Variants in DAPK1 observed in about 807,000 individuals in gnomAD.
DAPK1 encodes death-associated protein kinase 1.
Under a neutral mutation model 144.9 loss-of-function variants are expected in DAPK1, and 56 were observed. That is an observed-to-expected ratio of 0.39 (90% CI 0.31 to 0.48). The LOEUF (loss-of-function observed/expected upper bound fraction) is 0.48, where lower values mean the gene tolerates loss of function less well. DAPK1 is among the 20% of genes least tolerant of loss of function. DAPK1 has a pLI of 0.95. For missense variants in DAPK1, 1,454 were observed against 1,875.4 expected, an observed-to-expected ratio of 0.78 and a Z score of 4.15; for synonymous variants, 690 against 749.0, an observed-to-expected ratio of 0.92 and a Z score of 1.29.
chr9:87,536,557 C>T (rs1393307238), intron 2 of DAPK1, among the ~76,000 whole-genome samples: 1 of 151,554 alleles, frequency 6.6e-6, no homozygotes, highest in Non-Finnish European at 1.5e-5. Flanking sequence ...TTTAACTTAA[C>T]CAATAAATAA....
intron 2 of DAPK1, among the ~76,000 whole-genome samples, chr9:87,597,602 C>T (rs541879570): frequency 4.6e-5 from 7 of 152,078 alleles, no homozygotes; most frequent in South Asian, 2.1e-4. Context: ...AAACAGTGTG[C>T]GCTCACATGC....
intron 3 of DAPK1, among the ~76,000 whole-genome samples, chr9:87,635,683 G>C (rs966919769): frequency 6.6e-6 from 1 of 152,196 alleles, no homozygotes; most frequent in Non-Finnish European, 1.5e-5. Flanking sequence ...AGCCTTGCCA[G>C]TTACACATGT....
Position 87,707,929 on chromosome 9 carries a change from G to A in DAPK1, c.*565G>A, listed in dbSNP as rs563099826. On this transcript the variant is annotated 3_prime_UTR_variant, in exon 26 of 26. Transcript: ENST00000408954. This position sits in a 1 kb window ranked among gnomAD's most constrained non-coding sequence, Gnocchi z 4.0. ...AGAAGAGGGTGTGTTTGAAATCATC[G>A]GAGTCAGCCAGGAGCTGTCACCAAG... The A allele has an allele frequency of 6.6e-6, 3 of 454,630 alleles. No individual in the cohort carries two copies. The highest frequency in any genetic ancestry group is 4.0e-5 in the African/African-American group (2 of 50,074). 28.2% of individuals were successfully genotyped at this position (454,630 alleles called of 1,614,324 possible).
Position 87,640,349 on chromosome 9 carries a change from A to C in DAPK1, c.681A>C (p.Ala227=), listed in dbSNP as rs1167688598. Residue 227 remains alanine, a synonymous_variant, in exon 8 of 26, where the codon GCA becomes GCC. Transcript: ENST00000408954. ...GAGACACTAAGCAAGAAACGTTAGC[A>C]AATGTATCCGCTGTCAACTACGAAT... ...FLGDTKQETL[A]NVSAVNYEFE... is the part of the protein sequence containing the mutation. 1 of 1,614,138 alleles carries C rather than the reference A, an allele frequency of 6.2e-7. No homozygotes were observed. The highest frequency in any genetic ancestry group is 1.3e-5 in the African/African-American group (1 of 74,956).
chr9:87,629,806 A>G (rs1829607351), intron 3 of DAPK1, among the ~76,000 whole-genome samples: 1 of 152,186 alleles, frequency 6.6e-6, no homozygotes, highest in Non-Finnish European at 1.5e-5. Flanking sequence ...ATAGGGCCAA[A>G]CACCTGAAAT....
intron 16 of DAPK1, chr9:87,650,336 TC>T: frequency 1.9e-6 from 1 of 531,448 alleles, no homozygotes; most frequent in Non-Finnish European, 3.3e-6. Context: ...CATGAGTTGA[TC>T]AATTGACTTT....
chr9:87,615,286 G>T (rs1179087047), intron 3 of DAPK1, among the ~76,000 whole-genome samples: 1 of 151,918 alleles, frequency 6.6e-6, no homozygotes, highest in Non-Finnish European at 1.5e-5. Flanking sequence ...TTTTAATATT[G>T]TCAAAATTAC....
chr9:87,670,148 C>G (rs758582424), intron 19 of DAPK1, among the ~76,000 whole-genome samples: 4 of 152,098 alleles, frequency 2.6e-5, no homozygotes, highest in Non-Finnish European at 5.9e-5. Context: ...GGACTAGAAA[C>G]TCAAGGGAAA....
At chr9:87,605,748 GTTA>G (rs1198554334) in intron 3 of DAPK1, among the ~76,000 whole-genome samples, 4 of 152,200 alleles carry the variant, frequency 2.6e-5, no homozygotes, top group Admixed American at 1.3e-4. Flanking sequence ...CCCGTCGGAT[GTTA>G]TTATGGGAAA....
intron 2 of DAPK1, among the ~76,000 whole-genome samples, chr9:87,511,080 A>T (rs551336670): frequency 6.6e-6 from 1 of 152,254 alleles, no homozygotes; most frequent in African/African-American, 2.4e-5. Context: ...CCACAGGCAG[A>T]GTGCGGGTGA....
At chr9:87,592,580 A>G (rs557898350) in intron 2 of DAPK1, among the ~76,000 whole-genome samples, 1 of 152,264 alleles carries the variant, frequency 6.6e-6, no homozygotes, top group East Asian at 1.9e-4. Flanking sequence ...ATTCTCTTCA[A>G]AAGTGGCACT....
chr9:87,504,454 AG>A (rs1824514142), intron 2 of DAPK1, among the ~76,000 whole-genome samples: 1 of 152,202 alleles, frequency 6.6e-6, no homozygotes, highest in Non-Finnish European at 1.5e-5. Flanking sequence ...CAAGGGGGCC[AG>A]GAACAGAGTA....
At chr9:87,668,107 G>C (rs943450955) in intron 18 of DAPK1, 15 of 153,148 alleles carry the variant, frequency 9.8e-5, no homozygotes, top group South Asian at 4.1e-4. Flanking sequence ...AATCAAAATT[G>C]CCTGTCAAAC....
At chr9:87,590,273 A>ACAGG (rs1470397573) in intron 2 of DAPK1, among the ~76,000 whole-genome samples, 1 of 151,774 alleles carries the variant, frequency 6.6e-6, no homozygotes, top group African/African-American at 2.4e-5. Flanking sequence ...AAAATACCTA[A>ACAGG]CAGGCAATCT....
chr9:87,700,789 C>A (rs1340108343), intron 24 of DAPK1, among the ~76,000 whole-genome samples: 1 of 152,102 alleles, frequency 6.6e-6, no homozygotes. Context: ...GTGTGAGCCA[C>A]CATGCCTGGC....
chr9:87,548,650 C>CT lies in DAPK1; in HGVS notation c.62+49515dup, dbSNP rs139381396. 6.7e-3 allele frequency among the ~76,000 whole-genome samples: 1,013 copies of CT among 152,252 alleles called. 14 individuals carry two copies. The highest frequency in any genetic ancestry group is 0.023 in the African/African-American group (975 of 41,556). ...GCATGGCACTGTTATTATTTTGTAT[C>CT]TTTTCTTTGGGATAACCATTTCTGA... On this transcript the variant is annotated intron_variant, in intron 2 of 25. Transcript: ENST00000408954.
intron 2 of DAPK1, among the ~76,000 whole-genome samples, chr9:87,504,035 C>T (rs1013383139): frequency 1.3e-5 from 2 of 152,158 alleles, no homozygotes; most frequent in African/African-American, 4.8e-5. Flanking sequence ...GGAGTCAGTC[C>T]TATGAATAAT....
chr9:87,681,284 A>AAAAAAAAG (rs2119333869), intron 19 of DAPK1, 120 bp from the exon 20 acceptor site: 1 of 676,970 alleles, frequency 1.5e-6, no homozygotes, highest in Admixed American at 2.6e-5. Context: ...GTCTCAAAAA[A>AAAAAAAAG]GAAAAAAAGA....
chr9:87,640,554 T>C, intron 8 of DAPK1, 104 bp downstream of exon 8: 1 of 1,328,656 alleles, frequency 7.5e-7, no homozygotes, highest in Non-Finnish European at 1.0e-6. Flanking sequence ...CCTGCTTGCT[T>C]CATCTGCCAA....
Sources: gnomAD v4.1 joint callset for allele counts (sites outside exome capture counted in the v4.1 genomes callset) on GRCh38, gnomAD v4.1.1 for gene constraint, Gnocchi (gnomAD v3.1) non-coding constraint, MANE v1.5 for transcripts, NCBI Gene and HGNC (gene_info 2026-07-23, HGNC 2026-07-21) for gene names.